Variants in KIAA0586 observed in about 807,000 individuals in gnomAD.
The protein encoded by KIAA0586 is KIAA0586.
A neutral mutation model predicts 169.8 loss-of-function variants in KIAA0586; 144 were observed. The ratio of observed to expected loss-of-function variants is 0.85; its 90% CI spans 0.74 to 0.97. The LOEUF (loss-of-function observed/expected upper bound fraction) is 0.97. Ranked by LOEUF, KIAA0586 falls within the 50% of genes least tolerant of loss-of-function variation. The pLI, the probability that KIAA0586 is intolerant of heterozygous loss-of-function variation, is 0.00. For synonymous variants in KIAA0586, 625 were observed against 612.4 expected (o/e 1.02, Z -0.30); for missense variants, 1,854 against 1,823.0 (o/e 1.02, Z -0.31).
At chr14:58,519,857 G>A (rs549642058) in intron 29 of KIAA0586, among the ~76,000 whole-genome samples, 25 of 152,204 alleles carry the variant, frequency 1.6e-4, no homozygotes, top group Non-Finnish European at 2.6e-4. Flanking sequence ...GTAATAAGAC[G>A]GAAGAAGGAA....
rs2037001699 is a variant in KIAA0586, at chr14:58,428,152, C to T, written c.-113C>T. 72 of 1,479,802 alleles carry T rather than the reference C, an allele frequency of 4.9e-5. No individual in the cohort carries two copies. The highest frequency in any genetic ancestry group is 6.4e-5 in the Non-Finnish European group (72 of 1,118,818). The allele number at this position is 1,479,802 out of a possible 1,614,324, so 91.7% of individuals were successfully genotyped here. A position where few individuals can be genotyped will look rare whatever the true frequency, so the allele number is the denominator to read the frequency against. On this transcript the variant is annotated 5_prime_UTR_variant, in exon 1 of 31. Transcript: ENST00000652326. The stretch of plus-strand genomic sequence containing the variant: ...TTAGATTTTCAGCTTTGTGGATGTT[C>T]GACATTTTAAAAACAGTTATTGCAA...
chr14:58,541,517 A>T (rs1347290390), intron 30 of KIAA0586, among the ~76,000 whole-genome samples: 1 of 152,244 alleles, frequency 6.6e-6, no homozygotes, highest in African/African-American at 2.4e-5. Flanking sequence ...CTGCAATCAG[A>T]ATAAGACAGC....
Position 58,540,194 on chromosome 14 carries a change from C to G in KIAA0586, c.4495+58C>G, listed in dbSNP as rs544567809. On this transcript the variant is annotated intron_variant, in intron 30 of 30. Transcript: ENST00000652326. ...GGAGCTGTTCAGATTTTTTCATTTC[C>G]TGATGATTCTTTCTCTCATAATAAT... 2.3e-4 allele frequency: 211 copies of G among 915,158 alleles called. 5 individuals are homozygous for G. In the South Asian group the frequency reaches 3.2e-3, roughly 14 times the overall value. The allele number at this position is 915,158 out of a possible 1,614,324, so 56.7% of individuals were successfully genotyped here.
intron 21 of KIAA0586, among the ~76,000 whole-genome samples, chr14:58,486,230 G>C (rs754549340): frequency 6.6e-6 from 1 of 152,014 alleles, no homozygotes. Context: ...CTGTTTGTTT[G>C]TTCAGAATTA....
rs59248588 is a variant in KIAA0586, at chr14:58,450,714, A to G, written c.1097A>G (p.Glu366Gly). The change falls in exon 8 of 31, where the codon GAA (glutamate) becomes GGA (glycine). Residue 366 changes from glutamate (E) to glycine (G), a missense_variant. Transcript: ENST00000652326. ...TCAAAGAGGGAAAATCTTTTGGAAGAAAAAGAAAATATGGAAGTGTCGTGT... is the reference window on the plus strand; with the variant it reads ...TCAAAGAGGGAAAATCTTTTGGAAGGAAAAGAAAATATGGAAGTGTCGTGT... ...ELSKRENLLE[E>G]KENMEVSCHR... is the part of the protein sequence containing the mutation. The G allele has an allele frequency of 3.1e-6, 5 of 1,607,378 alleles. No individual in the cohort carries two copies. Among genetic ancestry groups the G allele is most frequent in the South Asian group, 2.2e-5 (2 of 90,840 alleles).
At position 58,457,875 on chromosome 14, in the gene KIAA0586, A is replaced by T. The variant is rs1226473394; in HGVS notation, c.1479A>T (p.Gly493=). ...VLKDAEKILR[G]VQNNKKVLEE... ...AAGATGCTGAGAAGATTTTGAGAGG[A>T]GTACAAAACAATAAAAAAGTACTTG... Residue 493 remains glycine, a synonymous_variant, in exon 11 of 31, where the codon GGA becomes GGT. Coordinates refer to ENST00000652326, the MANE Select transcript of KIAA0586 (RefSeq NM_001329943.3). 1.2e-6 allele frequency: 2 copies of T among 1,607,606 alleles called. No individual in the cohort carries two copies. The highest frequency in any genetic ancestry group is 2.2e-5 in the East Asian group (1 of 44,784).
chr14:58,458,499 GA>G lies in KIAA0586; in HGVS notation c.1613del (p.Lys538ArgfsTer41). 1 of 1,545,872 alleles carries G rather than the reference GA, an allele frequency of 6.5e-7. No homozygotes were observed. The highest frequency in any genetic ancestry group is 8.8e-7 in the Non-Finnish European group (1 of 1,142,644). On this transcript the variant is annotated frameshift_variant, in exon 12 of 31. Coordinates refer to ENST00000652326, the MANE Select transcript of KIAA0586 (RefSeq NM_001329943.3). LOFTEE classifies it high-confidence loss of function. The part of the protein sequence containing the change: ...NREMSEKIRI[R>X]KTVDEWIKTI... The stretch of plus-strand genomic sequence containing the variant: ...GAGATGTCAGAGAAAATTAGGATCA[GA>G]AAGACAGTGGATGAATGGATTAAAA...
At chr14:58,499,159 G>A (rs1427245622) in intron 27 of KIAA0586, among the ~76,000 whole-genome samples, 199 bp downstream of exon 27, 1 of 152,026 alleles carries the variant, frequency 6.6e-6, no homozygotes, top group East Asian at 1.9e-4. Context: ...TATCAGTGTT[G>A]GTACATGAAC....
intron 12 of KIAA0586, among the ~76,000 whole-genome samples, chr14:58,459,049 G>C (rs929606727): frequency 6.6e-6 from 1 of 152,014 alleles, no homozygotes; most frequent in Non-Finnish European, 1.5e-5. Context: ...TTTCTTAGAG[G>C]GTCCATAATT....
downstream of KIAA0586, among the ~76,000 whole-genome samples, chr14:58,551,734 C>G (rs937107125): frequency 2.6e-5 from 4 of 152,006 alleles, no homozygotes; most frequent in Admixed American, 2.6e-4. Flanking sequence ...CCACTGCACT[C>G]CGGCCTGGGT....
chr14:58,429,315 A>C, intron 1 of KIAA0586, 48 bp from the exon 2 acceptor site: 1 of 1,130,216 alleles, frequency 8.8e-7, no homozygotes, highest in Non-Finnish European at 1.4e-6. Flanking sequence ...TTCTAAAGCT[A>C]AGGATCTGAT....
chr14:58,487,055 T>C lies in KIAA0586; in HGVS notation c.3193T>C (p.Ser1065Pro), dbSNP rs1473834996. The C allele has an allele frequency of 5.6e-6, 9 of 1,613,484 alleles. No homozygotes were observed. Among genetic ancestry groups the C allele is most frequent in the Non-Finnish European group, 7.6e-6 (9 of 1,179,436 alleles). Residue 1065 changes from serine (S) to proline (P), a missense_variant, in exon 22 of 31, where the codon TCA (serine) becomes CCA (proline). Coordinates refer to ENST00000652326, the MANE Select transcript of KIAA0586 (RefSeq NM_001329943.3). ...TACCCCACAGCCTACGCCTCCTTGC[T>C]CACCTTCATCACCTGCTAAGGAGTG... is the stretch of plus-strand genomic sequence containing the variant. ...LPTPQPTPPC[S>P]PSSPAKECVL...
intron 29 of KIAA0586, among the ~76,000 whole-genome samples, chr14:58,525,784 G>A (rs540400596): frequency 1.9e-4 from 29 of 152,280 alleles, no homozygotes; most frequent in African/African-American, 6.5e-4. Flanking sequence ...CCACTGCCAC[G>A]GAACCCAGCA....
intron 29 of KIAA0586, among the ~76,000 whole-genome samples, chr14:58,527,652 A>G (rs1389684770): frequency 2.0e-5 from 3 of 152,240 alleles, no homozygotes; most frequent in Admixed American, 6.5e-5. Flanking sequence ...GGACAAGCCA[A>G]TGCTGAAAGA....
At position 58,468,018 on chromosome 14, in the gene KIAA0586, T is replaced by C. The variant is rs894955467; in HGVS notation, c.2442+96T>C. On this transcript the variant is annotated intron_variant, in intron 16 of 30. Transcript: ENST00000652326. The stretch of plus-strand genomic sequence containing the variant: ...TCCATTATATTGCTTCATAAAAATA[T>C]TGCTTTTGATCATGACTCTTTTTTT... The C allele has an allele frequency of 2.0e-5, 14 of 713,274 alleles. 1 individual carries two copies. The Admixed American group carries it at 2.1e-4, about 11-fold the overall frequency. The allele number at this position is 713,274 out of a possible 1,614,324, so 44.2% of individuals were successfully genotyped here.
intron 21 of KIAA0586, 64 bp downstream of exon 21, chr14:58,482,776 C>T (rs1264245063): frequency 1.9e-6 from 2 of 1,071,220 alleles, no homozygotes; most frequent in Non-Finnish European, 2.7e-6. Flanking sequence ...AAGCTGCATA[C>T]CATAAGATCA....
chr14:58,484,910 A>ATTTT lies in KIAA0586; in HGVS notation c.3145-2096_3145-2095insTTTT, dbSNP rs1392605713. The stretch of plus-strand genomic sequence containing the variant: ...TATATTTATATATATATATATATAT[A>ATTTT]TATATATATATATATTTTTTTTTTT... On this transcript the variant is annotated intron_variant, in intron 21 of 30. Transcript: ENST00000652326. Among the ~76,000 whole-genome samples, 26 of 25,022 alleles carry ATTTT rather than the reference A, an allele frequency of 1.0e-3. 1 individual carries two copies. Among genetic ancestry groups the ATTTT allele is most frequent in the African/African-American group, 2.1e-3 (15 of 7,112 alleles). The allele number at this position is 25,022 out of a possible 152,430, so 16.4% of individuals were successfully genotyped here. A position where few individuals can be genotyped will look rare whatever the true frequency, so the allele number is the denominator to read the frequency against.
chr14:58,551,346 TTAAAATGCTAAACA>T (rs2047196654), downstream of KIAA0586: 1 of 152,246 alleles, frequency 6.6e-6, no homozygotes, highest in South Asian at 2.1e-4. Flanking sequence ...CTTGATAACT[TTAAAATGCTAAACA>T]TATATCTTAA....
chr14:58,455,389 G>A (rs908435774), intron 9 of KIAA0586, among the ~76,000 whole-genome samples: 8 of 152,118 alleles, frequency 5.3e-5, no homozygotes, highest in African/African-American at 1.9e-4. Flanking sequence ...CAGTTTCTTT[G>A]TATGTCTCAT....
Sources: allele counts gnomAD v4.1 joint callset (sites outside exome capture counted in the v4.1 genomes callset), GRCh38; gene constraint gnomAD v4.1.1; transcripts MANE v1.5; gene names NCBI Gene and HGNC (gene_info 2026-07-23, HGNC 2026-07-21).